The following DOCK4 variants were observed in gnomAD, a reference collection of about 807,000 sequenced individuals.
DOCK4 encodes the protein dedicator of cytokinesis 4.
A neutral mutation model predicts 268.1 loss-of-function variants in DOCK4; 97 were observed. That is an observed-to-expected ratio of 0.36 (90% CI 0.31 to 0.43). The LOEUF (loss-of-function observed/expected upper bound fraction) is 0.43, where lower values mean the gene tolerates loss of function less well. Ranked by LOEUF, DOCK4 falls within the 20% of genes least tolerant of loss-of-function variation. The pLI is 1.00. For synonymous variants in DOCK4, 954 were observed against 887.2 expected, an observed-to-expected ratio of 1.08 and a Z score of -1.34; for missense variants, 2,145 against 2,455.7, an observed-to-expected ratio of 0.87 and a Z score of 2.67.
At chr7:112,107,289 G>A (rs1244983768) in intron 1 of DOCK4, among the ~76,000 whole-genome samples, 1 of 152,210 alleles carries the variant, frequency 6.6e-6, no homozygotes, top group Non-Finnish European at 1.5e-5. Flanking sequence ...TGTATTTGGA[G>A]ATAGGGTCTT....
At position 111,900,513 on chromosome 7, in the gene DOCK4, C is replaced by T; in HGVS notation, c.1341G>A (p.Gly447=). 4 of 1,611,642 alleles carry T rather than the reference C, an allele frequency of 2.5e-6. No individual in the cohort carries two copies. Among genetic ancestry groups the T allele is most frequent in the Non-Finnish European group, 3.4e-6 (4 of 1,178,996 alleles). ...AGTGGTACTCACTGGCTGGTGGCTC[C>T]CCAGAGCCGAAGGAGATAAAATCCT... ...TLKDFISFGS[G]EPPASEYHSF... Residue 447 remains glycine (G), a synonymous_variant, in exon 15 of 53, where the codon GGG becomes GGA. Coordinates refer to ENST00000428084, the MANE Select transcript of DOCK4 (RefSeq NM_001363540.2).
intron 2 of DOCK4, among the ~76,000 whole-genome samples, chr7:112,003,157 G>C (rs757280249): frequency 1.3e-5 from 2 of 152,102 alleles, no homozygotes; most frequent in Non-Finnish European, 2.9e-5. Flanking sequence ...AAGGTGGAAG[G>C]ATCACTTGAG....
intron 1 of DOCK4, among the ~76,000 whole-genome samples, chr7:112,144,859 C>T (rs1028143456): frequency 3.9e-5 from 6 of 152,256 alleles, no homozygotes; most frequent in Non-Finnish European, 5.9e-5. Context: ...GGACTACTGA[C>T]GCAAAGCGAG....
chr7:111,947,599 A>AC (rs11454036), intron 8 of DOCK4, among the ~76,000 whole-genome samples: 149,908 of 152,342 alleles, frequency 0.98, 73,770 homozygotes, highest in Middle Eastern at 1. Context: ...AATGACACCT[A>AC]TACTGAGGGT....
intron 23 of DOCK4, among the ~76,000 whole-genome samples, chr7:111,854,337 T>G (rs766746461): frequency 2.6e-5 from 4 of 152,172 alleles, no homozygotes; most frequent in Non-Finnish European, 5.9e-5. Context: ...CCTGTTCTGT[T>G]CCATTCTAAT....
intron 1 of DOCK4, among the ~76,000 whole-genome samples, chr7:112,165,553 TGTGTGTGC>T (rs1327812958): frequency 2.1e-5 from 3 of 141,176 alleles, no homozygotes; most frequent in African/African-American, 7.6e-5. Flanking sequence ...TGTGTGTGTG[TGTGTGTGC>T]GTGTGTGTGT....
At chr7:112,191,696 A>G (rs1189530769) in intron 1 of DOCK4, among the ~76,000 whole-genome samples, 1 of 152,044 alleles carries the variant, frequency 6.6e-6, no homozygotes, top group Non-Finnish European at 1.5e-5. Context: ...AAGGGACCAC[A>G]TGCTTCAGGC....
At chr7:111,736,850 G>T (rs1362997676) in intron 50 of DOCK4, 67 bp downstream of exon 50, 1 of 1,390,160 alleles carries the variant, frequency 7.2e-7, no homozygotes, top group Non-Finnish European at 1.0e-6. Flanking sequence ...ACACACAGAA[G>T]ACTGGAGAAC....
chr7:111,882,123 T>G (rs1345940664), intron 16 of DOCK4, among the ~76,000 whole-genome samples: 7 of 152,228 alleles, frequency 4.6e-5, no homozygotes, highest in African/African-American at 1.7e-4. Flanking sequence ...AGGAGATGGA[T>G]ACCCAATTTT....
At chr7:111,894,349 T>G (rs1005517547) in intron 16 of DOCK4, among the ~76,000 whole-genome samples, 1 of 152,214 alleles carries the variant, frequency 6.6e-6, no homozygotes, top group Non-Finnish European at 1.5e-5. Flanking sequence ...TCACTGAACA[T>G]CTATCACAGG....
At chr7:112,119,146 C>G (rs1170147166) in intron 1 of DOCK4, among the ~76,000 whole-genome samples, 1 of 152,042 alleles carries the variant, frequency 6.6e-6, no homozygotes, top group Non-Finnish European at 1.5e-5. Flanking sequence ...GAAGAGATAT[C>G]CAGAAGGACT....
At chr7:111,955,766 T>C (rs1796405495) in intron 8 of DOCK4, among the ~76,000 whole-genome samples, 1 of 152,232 alleles carries the variant, frequency 6.6e-6, no homozygotes, top group African/African-American at 2.4e-5. Flanking sequence ...TCTTCTGTGC[T>C]GTTACCAGAT....
intron 4 of DOCK4, 68 bp downstream of exon 4, chr7:111,998,379 CT>C: frequency 8.0e-7 from 1 of 1,254,182 alleles, no homozygotes; most frequent in Non-Finnish European, 1.1e-6. Context: ...ATTACTATGC[CT>C]TTCAAATTCC....
In DOCK4 at chr7:111,739,318, G is replaced by A. The variant is rs747234294; in HGVS notation, c.5123-75C>T. 57 of 1,586,610 alleles carry A rather than the reference G, an allele frequency of 3.6e-5. 1 individual carries two copies. In the South Asian group the frequency reaches 5.1e-4, roughly 14 times the overall value. On this transcript the variant is annotated intron_variant, in intron 48 of 52. Transcript: ENST00000428084. ...CCTGTTTGGAGGCGAGAGCCTGAACGTGTGGCAGCTGGCCACAGTTCCCAG... is the reference window on the plus strand; with the variant it reads ...CCTGTTTGGAGGCGAGAGCCTGAACATGTGGCAGCTGGCCACAGTTCCCAG...
chr7:112,201,492 A>G (rs1820928681), intron 1 of DOCK4, among the ~76,000 whole-genome samples: 1 of 152,188 alleles, frequency 6.6e-6, no homozygotes. Context: ...ACACATGTAA[A>G]ACATCTGGCT....
intron 16 of DOCK4, among the ~76,000 whole-genome samples, chr7:111,886,304 A>C (rs1333910055): frequency 6.6e-6 from 1 of 152,222 alleles, no homozygotes; most frequent in Non-Finnish European, 1.5e-5. Context: ...TTTCAAAATG[A>C]GTAGTCATCC....
At chr7:111,896,408 A>G (rs1362152169) in intron 15 of DOCK4, among the ~76,000 whole-genome samples, 2 of 152,012 alleles carry the variant, frequency 1.3e-5, no homozygotes, top group African/African-American at 4.8e-5. Flanking sequence ...AATTATTTAT[A>G]GATAGGGAAA....
intron 44 of DOCK4, among the ~76,000 whole-genome samples, chr7:111,742,677 C>T (rs1449434669): frequency 6.6e-6 from 1 of 152,158 alleles, no homozygotes; most frequent in Admixed American, 6.5e-5. Context: ...TGACAGTTTC[C>T]ATGCTTCTTG....
chr7:112,147,592 AG>A (rs1159737182), intron 1 of DOCK4, among the ~76,000 whole-genome samples: 3 of 152,094 alleles, frequency 2.0e-5, no homozygotes, highest in Admixed American at 2.0e-4. Flanking sequence ...ATAATTGAAA[AG>A]TTTGCCCACT....
Sources: allele counts gnomAD v4.1 joint callset (sites outside exome capture counted in the v4.1 genomes callset), GRCh38; gene constraint gnomAD v4.1.1; transcripts MANE v1.5; gene names NCBI Gene and HGNC (gene_info 2026-07-23, HGNC 2026-07-21).